FAM53C: variants seen among roughly 807,000 people sequenced by gnomAD.
FAM53C encodes family with sequence similarity 53 member C, also known as protein FAM53C.
FAM53C carries 10 observed loss-of-function variants against 34.7 expected under a neutral mutation model. That is an observed-to-expected ratio of 0.29 (90% CI 0.18 to 0.49). The LOEUF is 0.49. FAM53C is among the 20% of genes least tolerant of loss of function. The pLI is 0.99. For synonymous variants in FAM53C, 203 were observed against 203.6 expected (o/e 1.00, Z 0.03); for missense variants, 442 against 515.3 (o/e 0.86, Z 1.38).
At chr5:138,337,876 CGT>C, upstream of FAM53C, 1 of 1,029,014 alleles carries the variant, frequency 9.7e-7, no homozygotes, top group Non-Finnish European at 1.3e-6. Flanking sequence ...TGGCTAATTG[CGT>C]GACGCGGCCC....
intron 3 of FAM53C, 143 bp from the exon 4 acceptor site, chr5:138,344,682 G>A (rs1206344135): frequency 5.0e-6 from 3 of 605,892 alleles, no homozygotes; most frequent in Non-Finnish European, 8.2e-6. Flanking sequence ...CTGTGAAATG[G>A]GGATAATGAT....
rs568037662 is a variant in FAM53C, at chr5:138,345,185, G to A, written c.497G>A (p.Arg166Gln). ...PQVPHQSPPK[R>Q]VSSLRFLQAP... is the part of the protein sequence containing the mutation. ...GTGCCTCACCAGAGCCCCCCAAAGCGGGTCTCCAGCCTCAGGTTCCTCCAA... is the reference window on the plus strand; with the variant it reads ...GTGCCTCACCAGAGCCCCCCAAAGCAGGTCTCCAGCCTCAGGTTCCTCCAA... Residue 166 changes from arginine (R) to glutamine (Q), a missense_variant, in exon 4 of 5, where the codon CGG becomes CAG. Coordinates refer to ENST00000239906, the MANE Select transcript of FAM53C (RefSeq NM_016605.3). The surrounding 1 kb of genome is among the most constrained non-coding windows in gnomAD (Gnocchi z 6.3). 1.5e-5 allele frequency: 25 copies of A among 1,614,194 alleles called. No homozygotes were observed. The highest frequency in any genetic ancestry group is 6.6e-5 in the South Asian group (6 of 91,084).
Position 138,345,175 on chromosome 5 carries a change from C to A in FAM53C, c.487C>A (p.Pro163Thr). 3 of 1,614,198 alleles carry A rather than the reference C, an allele frequency of 1.9e-6. No individual in the cohort carries two copies. Among genetic ancestry groups the A allele is most frequent in the Non-Finnish European group, 2.5e-6 (3 of 1,180,026 alleles). The change falls in exon 4 of 5, where the codon CCC becomes ACC. Residue 163 changes from proline to threonine, a missense_variant. Coordinates refer to ENST00000239906, the MANE Select transcript of FAM53C (RefSeq NM_016605.3). The surrounding 1 kb of genome is among the most constrained non-coding windows in gnomAD (Gnocchi z 6.3). ...GGGPQVPHQS[P>T]PKRVSSLRFL... ...TGGGCCGCAGGTGCCTCACCAGAGC[C>A]CCCCAAAGCGGGTCTCCAGCCTCAG... is the stretch of plus-strand genomic sequence containing the variant.
In FAM53C at chr5:138,341,257, C is replaced by T; in HGVS notation, c.-79C>T. The T allele has an allele frequency of 8.1e-7, 1 of 1,232,292 alleles. No individual in the cohort carries two copies. The highest frequency in any genetic ancestry group is 1.2e-6 in the Non-Finnish European group (1 of 832,166). The allele number at this position is 1,232,292 out of a possible 1,614,324, so 76.3% of individuals were successfully genotyped here. A position where few individuals can be genotyped will look rare whatever the true frequency, so the allele number is the denominator to read the frequency against. ...TGCTGCAGTGGCAGAAGACGGCTCACAAGTGAGGTCTGGAAGAACAACAGG... is the reference window on the plus strand; with the variant it reads ...TGCTGCAGTGGCAGAAGACGGCTCATAAGTGAGGTCTGGAAGAACAACAGG... On this transcript the variant is annotated 5_prime_UTR_variant, in exon 2 of 5. Coordinates refer to ENST00000239906, the MANE Select transcript of FAM53C (RefSeq NM_016605.3).
intron 3 of FAM53C, among the ~76,000 whole-genome samples, chr5:138,343,383 G>T (rs866449195): frequency 1.3e-5 from 2 of 151,516 alleles, no homozygotes; most frequent in Non-Finnish European, 2.9e-5. Flanking sequence ...GGTGGCAGGC[G>T]CCTGTAATCC....
upstream of FAM53C, chr5:138,337,768 G>A: frequency 8.0e-6 from 3 of 372,970 alleles, no homozygotes; most frequent in Non-Finnish European, 5.1e-6. Context: ...CTTCCCAGCA[G>A]CCTTCACGCC....
rs943237174 is a variant in FAM53C at position 138,345,186 on chromosome 5, G to A, written c.498G>A (p.Arg166=). 3 of 1,614,076 alleles carry A rather than the reference G, an allele frequency of 1.9e-6. No homozygotes were observed. Among genetic ancestry groups the A allele is most frequent in the African/African-American group, 2.7e-5 (2 of 74,922 alleles). ...TGCCTCACCAGAGCCCCCCAAAGCG[G>A]GTCTCCAGCCTCAGGTTCCTCCAAG... ...PQVPHQSPPK[R]VSSLRFLQAP... is the part of the protein sequence containing the mutation. The change falls in exon 4 of 5, where the codon CGG becomes CGA. Residue 166 remains arginine, a synonymous_variant. Transcript: ENST00000239906. The surrounding 1 kb of genome is among the most constrained non-coding windows in gnomAD (Gnocchi z 6.3).
rs766308587 is a variant in FAM53C, at chr5:138,347,003, A to G, written c.*44A>G. The G allele has an allele frequency of 2.5e-6, 4 of 1,611,284 alleles. No homozygotes were observed. In the South Asian group the frequency reaches 4.4e-5, roughly 18 times the overall value. ...TGGGGCCACACAGACTGACTCTCTC[A>G]TGGCTACTAACAAGTGTCGAGTCCC... On this transcript the variant is annotated 3_prime_UTR_variant, in exon 5 of 5. Transcript: ENST00000239906.
chr5:138,346,879 G>C lies in FAM53C; in HGVS notation c.1099G>C (p.Gly367Arg), dbSNP rs765733710. 6.2e-7 allele frequency: 1 copy of C among 1,614,150 alleles called. No individual in the cohort carries two copies. Among genetic ancestry groups the C allele is most frequent in the East Asian group, 2.2e-5 (1 of 44,884 alleles). Residue 367 changes from glycine (G) to arginine (R), a missense_variant, in exon 5 of 5, where the codon GGT becomes CGT. Gly to Arg is a moderately radical substitution (Grantham distance 125). Coordinates refer to ENST00000239906, the MANE Select transcript of FAM53C (RefSeq NM_016605.3). ...EEEEEGAVRW[G>R]RQALSKRTLC... The stretch of plus-strand genomic sequence containing the variant: ...GGAGGAGGAGGGGGCTGTGCGGTGG[G>C]GTCGGCAGGCGCTGAGCAAGCGGAC...
chr5:138,345,051 C>G lies in FAM53C; in HGVS notation c.363C>G (p.Leu121=), dbSNP rs1328782652. ...APPSKRHCRS[L]SVPVDLSRWQ... is the part of the protein sequence containing the mutation. The stretch of plus-strand genomic sequence containing the variant: ...CATCCAAGAGGCACTGCCGCTCACT[C>G]TCAGTGCCCGTGGACCTGTCTCGCT... Residue 121 remains leucine (L), a synonymous_variant, in exon 4 of 5, where the codon CTC becomes CTG. Coordinates refer to ENST00000239906, the MANE Select transcript of FAM53C (RefSeq NM_016605.3). This position sits in a 1 kb window ranked among gnomAD's most constrained non-coding sequence, Gnocchi z 6.3. The G allele has an allele frequency of 1.2e-6, 2 of 1,613,972 alleles. No homozygotes were observed. The highest frequency in any genetic ancestry group is 1.7e-5 in the Admixed American group (1 of 60,022).
In FAM53C at chr5:138,345,756, C is replaced by T. The variant is rs528716968; in HGVS notation, c.921+147C>T. On this transcript the variant is annotated intron_variant, in intron 4 of 4. Coordinates refer to ENST00000239906, the MANE Select transcript of FAM53C (RefSeq NM_016605.3). The surrounding 1 kb of genome is among the most constrained non-coding windows in gnomAD (Gnocchi z 6.3). ...CTCTTAGCTAGGGTGACCTACCATC[C>T]CAGTTTGCCTGGGACTGTCCCAGTG... The T allele has an allele frequency of 5.3e-5, 51 of 968,034 alleles. 1 individual carries two copies. The South Asian group carries it at 8.7e-4, about 16-fold the overall frequency. The allele number at this position is 968,034 out of a possible 1,614,324, so 60.0% of individuals were successfully genotyped here. A position where few individuals can be genotyped will look rare whatever the true frequency, so the allele number is the denominator to read the frequency against.
In FAM53C at chr5:138,341,873, C is replaced by T. The variant is rs1004328205; in HGVS notation, c.136+7C>T. 8.1e-6 allele frequency: 13 copies of T among 1,613,612 alleles called. No homozygotes were observed. The highest frequency in any genetic ancestry group is 1.1e-5 in the Non-Finnish European group (13 of 1,179,600). Reference sequence around the variant, plus strand: ...TCTTTCCAGCTTGTGTCTGGTAAGGCATCGTGTGTGTTTGTGTACGTGTGT... The same window carrying T: ...TCTTTCCAGCTTGTGTCTGGTAAGGTATCGTGTGTGTTTGTGTACGTGTGT... On this transcript the variant is annotated splice_region_variant and intron_variant, in intron 3 of 4. Transcript: ENST00000239906.
At position 138,346,778 on chromosome 5, in the gene FAM53C, C is replaced by G. The variant is rs113580958; in HGVS notation, c.998C>G (p.Ala333Gly). Residue 333 changes from alanine to glycine, a missense_variant, in exon 5 of 5, where the codon GCC becomes GGC. Transcript: ENST00000239906. ...GSSISPPWFM[A>G]CSPPPLSASC... ...AGCATCTCTCCACCATGGTTCATGG[C>G]CTGTAGCCCCCCACCCCTCTCTGCT... is the stretch of plus-strand genomic sequence containing the variant. 2.0e-5 allele frequency: 32 copies of G among 1,614,086 alleles called. No individual in the cohort carries two copies. The highest frequency in any genetic ancestry group is 2.5e-5 in the Non-Finnish European group (29 of 1,180,052).
Position 138,346,972 on chromosome 5 carries a change from A to G in FAM53C, c.*13A>G, listed in dbSNP as rs1478894868. On this transcript the variant is annotated 3_prime_UTR_variant, in exon 5 of 5. Coordinates refer to ENST00000239906, the MANE Select transcript of FAM53C (RefSeq NM_016605.3). ...TGAGGAAAACTAAAACTGAGAGGCT[A>G]CTTCCTGGGGCCACACAGACTGACT... 1.9e-6 allele frequency: 3 copies of G among 1,613,768 alleles called. No homozygotes were observed. The highest frequency in any genetic ancestry group is 3.3e-5 in the Admixed American group (2 of 60,008).
At chr5:138,337,886 C>T, upstream of FAM53C, 3 of 1,150,778 alleles carry the variant, frequency 2.6e-6, no homozygotes, top group South Asian at 3.9e-5. Flanking sequence ...CGTGACGCGG[C>T]CCGAACCGAG....
Position 138,345,013 on chromosome 5 carries a change from C to T in FAM53C, c.325C>T (p.Pro109Ser), listed in dbSNP as rs868127502. The change falls in exon 4 of 5, where the codon CCC becomes TCC. Residue 109 changes from proline to serine, a missense_variant. Transcript: ENST00000239906. The surrounding 1 kb of genome is among the most constrained non-coding windows in gnomAD (Gnocchi z 6.3). ...CCCAGATCCAGAGAAGCTTCCTGTG[C>T]CCCCTGCCCCTCCATCCAAGAGGCA... ...EPPDPEKLPV[P>S]PAPPSKRHCR... 4.3e-6 allele frequency: 7 copies of T among 1,613,482 alleles called. No individual in the cohort carries two copies. The highest frequency in any genetic ancestry group is 1.3e-5 in the African/African-American group (1 of 74,896).
chr5:138,343,458 C>T (rs574524862), intron 3 of FAM53C, among the ~76,000 whole-genome samples: 6 of 150,536 alleles, frequency 4.0e-5, no homozygotes, highest in East Asian at 1.9e-4. Flanking sequence ...TGCAGTGAGC[C>T]GAGATCGCAC....
Position 138,346,894 on chromosome 5 carries a change from A to T in FAM53C, c.1114A>T (p.Ser372Cys), listed in dbSNP as rs567126798. The T allele has an allele frequency of 5.0e-6, 8 of 1,614,142 alleles. No individual in the cohort carries two copies. Among genetic ancestry groups the T allele is most frequent in the South Asian group, 4.4e-5 (4 of 91,084 alleles). Residue 372 changes from serine (S) to cysteine (C), a missense_variant, in exon 5 of 5, where the codon AGC (serine) becomes TGC (cysteine). Transcript: ENST00000239906. ...GAVRWGRQAL[S>C]KRTLCQRDFG... is the part of the protein sequence containing the mutation. Reference sequence around the variant, plus strand: ...TGTGCGGTGGGGTCGGCAGGCGCTGAGCAAGCGGACACTGTGCCAGCGGGA... The same window carrying T: ...TGTGCGGTGGGGTCGGCAGGCGCTGTGCAAGCGGACACTGTGCCAGCGGGA...
chr5:138,338,154 A>G (rs747317530), upstream of FAM53C: 3 of 1,289,628 alleles, frequency 2.3e-6, no homozygotes, highest in Non-Finnish European at 3.0e-6. Flanking sequence ...TGCGCCCTCC[A>G]TGGGTGGCTT....
Sources: allele counts gnomAD v4.1 joint callset (sites outside exome capture counted in the v4.1 genomes callset), GRCh38; gene constraint gnomAD v4.1.1; non-coding constraint Gnocchi (gnomAD v3.1); transcripts MANE v1.5; gene names NCBI Gene and HGNC (gene_info 2026-07-23, HGNC 2026-07-21).